The following SUCLG2 variants were observed in gnomAD, a reference collection of about 807,000 sequenced individuals.
SUCLG2 encodes the protein succinate-CoA ligase GDP-forming subunit beta.
SUCLG2 carries 42 observed loss-of-function variants against 47.9 expected under a neutral mutation model. That is an observed-to-expected ratio of 0.88 (90% CI 0.69 to 1.14). The LOEUF (loss-of-function observed/expected upper bound fraction) is 1.14, where lower values mean the gene tolerates loss of function less well. Ranked by LOEUF, SUCLG2 falls within the 50% of genes most tolerant of loss-of-function variation. The pLI is 0.00. For missense variants in SUCLG2, 571 were observed against 525.9 expected, an observed-to-expected ratio of 1.09 and a Z score of -0.84; for synonymous variants, 195 against 197.3, an observed-to-expected ratio of 0.99 and a Z score of 0.10.
chr3:67,554,773 C>T (rs538058947), intron 2 of SUCLG2, among the ~76,000 whole-genome samples: 16 of 152,208 alleles, frequency 1.1e-4, no homozygotes, highest in African/African-American at 3.4e-4. Flanking sequence ...GTCATACTGG[C>T]TACCAGTAGC....
At chr3:67,577,752 T>A (rs921763726) in intron 2 of SUCLG2, among the ~76,000 whole-genome samples, 1 of 152,052 alleles carries the variant, frequency 6.6e-6, no homozygotes, top group Admixed American at 6.6e-5. Context: ...CCTCAGAAAG[T>A]GGTATGCAGC....
Position 67,441,012 on chromosome 3 carries a change from A to G in SUCLG2, c.1063-40161T>C, listed in dbSNP as rs187564635. Among the ~76,000 whole-genome samples the G allele has an allele frequency of 1.5e-3, 221 of 152,346 alleles. 1 individual carries two copies. The highest frequency in any genetic ancestry group is 4.4e-3 in the Admixed American group (68 of 15,304). ...ATCAATGATAGACTGGATAAAGAAAATGTGGCACACATACACCATGGAATA... is the reference window on the plus strand; with the variant it reads ...ATCAATGATAGACTGGATAAAGAAAGTGTGGCACACATACACCATGGAATA... On this transcript the variant is annotated intron_variant, in intron 9 of 10. Coordinates refer to ENST00000307227, the MANE Select transcript of SUCLG2 (RefSeq NM_003848.4).
chr3:67,640,022 A>G (rs1457957962), intron 1 of SUCLG2, among the ~76,000 whole-genome samples: 1 of 152,226 alleles, frequency 6.6e-6, no homozygotes, highest in Non-Finnish European at 1.5e-5. Context: ...AAGTAGAAGG[A>G]GATAGCATAA....
chr3:67,462,599 C>A (rs1431487750), intron 9 of SUCLG2, among the ~76,000 whole-genome samples: 1 of 152,178 alleles, frequency 6.6e-6, no homozygotes, highest in African/African-American at 2.4e-5. Flanking sequence ...CCATACCACA[C>A]CCTATTCATT....
At chr3:67,400,673 C>G (rs201609915) in intron 10 of SUCLG2, 58 bp downstream of exon 10, 215 of 1,592,942 alleles carry the variant, frequency 1.3e-4, no homozygotes, top group Middle Eastern at 2.3e-4. Context: ...CCAGAACATG[C>G]TGGTCACCTG....
intron 10 of SUCLG2, among the ~76,000 whole-genome samples, chr3:67,383,974 A>G (rs1449263384): frequency 6.6e-6 from 1 of 152,176 alleles, no homozygotes; most frequent in Non-Finnish European, 1.5e-5. Flanking sequence ...TCTTCCTCCT[A>G]GCTTTCAAGC....
rs79795706 is a variant in SUCLG2 at position 67,609,138 on chromosome 3, T to C, written c.226+317A>G. 3.5e-3 allele frequency among the ~76,000 whole-genome samples: 537 copies of C among 152,326 alleles called. 7 individuals carry two copies. The highest frequency in any genetic ancestry group is 0.034 in the East Asian group (177 of 5,166). ...CCAGGGAAGAAAGGCTCTATTCTCC[T>C]ACACCCAGGCCATCACACTGAAGGC... is the stretch of plus-strand genomic sequence containing the variant. On this transcript the variant is annotated intron_variant, in intron 2 of 10. Coordinates refer to ENST00000307227, the MANE Select transcript of SUCLG2 (RefSeq NM_003848.4).
intron 2 of SUCLG2, among the ~76,000 whole-genome samples, chr3:67,593,641 T>C (rs193007307): frequency 5.9e-5 from 9 of 152,276 alleles, no homozygotes; most frequent in Admixed American, 5.2e-4. Flanking sequence ...TGCAGCCCCA[T>C]TAATCTATTT....
intron 2 of SUCLG2, among the ~76,000 whole-genome samples, chr3:67,533,469 T>A (rs1706454674): frequency 6.6e-6 from 1 of 152,162 alleles, no homozygotes; most frequent in South Asian, 2.1e-4. Flanking sequence ...AGCATGGCAA[T>A]CACCTTCCCT....
At chr3:67,573,249 G>C (rs943704891) in intron 2 of SUCLG2, among the ~76,000 whole-genome samples, 2 of 152,062 alleles carry the variant, frequency 1.3e-5, no homozygotes, top group African/African-American at 4.8e-5. Context: ...TTGATGTACA[G>C]GATCAACATG....
At chr3:67,527,753 G>A (rs1706292936) in intron 4 of SUCLG2, among the ~76,000 whole-genome samples, 1 of 152,254 alleles carries the variant, frequency 6.6e-6, no homozygotes, top group East Asian at 1.9e-4. Context: ...AGGTAATTCT[G>A]ACAGACACGC....
At chr3:67,590,258 T>A (rs563189740) in intron 2 of SUCLG2, among the ~76,000 whole-genome samples, 66 of 152,364 alleles carry the variant, frequency 4.3e-4, no homozygotes, top group African/African-American at 1.5e-3. Flanking sequence ...CTTTCCCACA[T>A]ACCTCCCTGT....
At chr3:67,447,122 G>A (rs1417387189) in intron 9 of SUCLG2, among the ~76,000 whole-genome samples, 2 of 152,116 alleles carry the variant, frequency 1.3e-5, no homozygotes, top group African/African-American at 2.4e-5. Context: ...ATCACCTACT[G>A]AAAAACATGC....
chr3:67,378,772 C>T (rs1702088730), intron 10 of SUCLG2, among the ~76,000 whole-genome samples: 1 of 152,172 alleles, frequency 6.6e-6, no homozygotes, highest in African/African-American at 2.4e-5. Flanking sequence ...ATTTCATTAA[C>T]ACAACCTGCG....
intron 9 of SUCLG2, among the ~76,000 whole-genome samples, chr3:67,403,154 A>G (rs1477676702): frequency 6.6e-6 from 1 of 152,172 alleles, no homozygotes; most frequent in Non-Finnish European, 1.5e-5. Context: ...TAACTACTTT[A>G]GTTGGTGCTG....
intron 2 of SUCLG2, among the ~76,000 whole-genome samples, chr3:67,529,938 C>G (rs1706356549): frequency 6.6e-6 from 1 of 152,156 alleles, no homozygotes; most frequent in Non-Finnish European, 1.5e-5. Context: ...CAAATGGGGC[C>G]TTTAGCAAAC....
chr3:67,629,727 A>G (rs1423847474), intron 1 of SUCLG2, among the ~76,000 whole-genome samples: 1 of 152,162 alleles, frequency 6.6e-6, no homozygotes, highest in Non-Finnish European at 1.5e-5. Context: ...CCTTAAAACT[A>G]TTTAAAGGGC....
At chr3:67,582,336 A>G (rs1707901760) in intron 2 of SUCLG2, among the ~76,000 whole-genome samples, 1 of 152,112 alleles carries the variant, frequency 6.6e-6, no homozygotes, top group Admixed American at 6.5e-5. Context: ...CTCAATGTTT[A>G]GCTCCCACTT....
chr3:67,503,796 A>G (rs571350195), intron 7 of SUCLG2, among the ~76,000 whole-genome samples: 1 of 152,342 alleles, frequency 6.6e-6, no homozygotes, highest in African/African-American at 2.4e-5. Context: ...AATATCAAAG[A>G]AAGCTGTGGT....
Sources: allele counts gnomAD v4.1 joint callset (sites outside exome capture counted in the v4.1 genomes callset), GRCh38; gene constraint gnomAD v4.1.1; transcripts MANE v1.5; gene names NCBI Gene and HGNC (gene_info 2026-07-23, HGNC 2026-07-21).